PLAGL1: variants seen among roughly 807,000 people sequenced by gnomAD.
The protein encoded by PLAGL1 is PLAG1 like zinc finger 1, also known as zinc finger protein PLAGL1.
PLAGL1 carries 1 observed loss-of-function variant against 4.6 expected under a neutral mutation model. The observed-to-expected ratio is 0.22, with a 90% CI of 0.08 to 1.03. PLAGL1 has a LOEUF of 1.03. Ranked by LOEUF, PLAGL1 falls within the 50% of genes least tolerant of loss-of-function variation. The pLI, the probability that PLAGL1 is intolerant of heterozygous loss-of-function variation, is 0.58. For synonymous variants in PLAGL1, 240 were observed against 237.8 expected (o/e 1.01, Z -0.08); for missense variants, 464 against 570.4 (o/e 0.81, Z 1.90).
chr6:144,032,619 T>G (rs1411864465), intron 1 of PLAGL1, among the ~76,000 whole-genome samples: 1 of 152,176 alleles, frequency 6.6e-6, no homozygotes, highest in East Asian at 1.9e-4. Flanking sequence ...TGGAGTCAAA[T>G]GGCACAGTCT....
chr6:144,031,202 T>C (rs1459885151), intron 1 of PLAGL1, among the ~76,000 whole-genome samples: 3 of 152,216 alleles, frequency 2.0e-5, no homozygotes, highest in Non-Finnish European at 4.4e-5. Context: ...GAATTGTTTG[T>C]TTTATTCTTG....
In PLAGL1 at chr6:144,042,666, T is replaced by C. The variant is rs181248830; in HGVS notation, c.-151+21802A>G. The stretch of plus-strand genomic sequence containing the variant: ...TGTCTTGGCAATGCAAGCTCTTTTT[T>C]GGTTCCATATGAACTTTAAAGTGGT... On this transcript the variant is annotated intron_variant, in intron 1 of 3. Transcript: ENST00000437412. Among the ~76,000 whole-genome samples, 5 of 152,372 alleles carry C rather than the reference T, an allele frequency of 3.3e-5. No individual in the cohort carries two copies. In the East Asian group the frequency reaches 5.8e-4, roughly 18 times the overall value.
chr6:143,989,652 G>A lies in PLAGL1; in HGVS notation c.-583-4478C>T, dbSNP rs756635295. On this transcript the variant is annotated intron_variant, in intron 1 of 7. Coordinates refer to ENST00000674357, the MANE Select transcript of PLAGL1 (RefSeq NM_001317162.2). The surrounding 1 kb of genome is among the most constrained non-coding windows in gnomAD (Gnocchi z 4.8). ...AGACAGTTGACTGTGGGATTTCTCA[G>A]CCTTCATAATCATCAGGGTCAATTC... Among the ~76,000 whole-genome samples the A allele has an allele frequency of 1.1e-4, 17 of 152,168 alleles. No individual in the cohort carries two copies. Among genetic ancestry groups the A allele is most frequent in the Non-Finnish European group, 2.5e-4 (17 of 68,034 alleles).
chr6:144,033,044 C>T (rs1220654530), intron 1 of PLAGL1, among the ~76,000 whole-genome samples: 2 of 152,136 alleles, frequency 1.3e-5, no homozygotes, highest in African/African-American at 4.8e-5. Context: ...TAGCTGAACT[C>T]AGTAGTAGAG....
Position 143,970,760 on chromosome 6 carries a change from T to G in PLAGL1, c.-543-1782A>C, listed in dbSNP as rs571215840. Among the ~76,000 whole-genome samples, 1 of 152,214 alleles carries G rather than the reference T, an allele frequency of 6.6e-6. No individual in the cohort carries two copies. The highest frequency in any genetic ancestry group is 1.5e-5 in the Non-Finnish European group (1 of 68,042). On this transcript the variant is annotated intron_variant, in intron 2 of 7. Transcript: ENST00000674357. This position sits in a 1 kb window ranked among gnomAD's most constrained non-coding sequence, Gnocchi z 5.8. ...CTCTTAAGTTACTTGAAATTCTTCT[T>G]CTTGGATATTACAGCAGTCTTCAGT...
chr6:143,957,149 A>T lies in PLAGL1; in HGVS notation c.-325+3320T>A, dbSNP rs140672708. Among the ~76,000 whole-genome samples the T allele has an allele frequency of 2.0e-5, 3 of 152,264 alleles. No homozygotes were observed. The highest frequency in any genetic ancestry group is 4.4e-5 in the Non-Finnish European group (3 of 68,052). On this transcript the variant is annotated intron_variant, in intron 6 of 7. Transcript: ENST00000674357. The surrounding 1 kb of genome is among the most constrained non-coding windows in gnomAD (Gnocchi z 4.2). ...ATGCATTGTATTTTTAAATAGAAAC[A>T]GTCACAAAAAAATAGACAAATGTCT...
At position 143,948,945 on chromosome 6, in the gene PLAGL1, TAAGA is replaced by T. The variant is rs1265202994; in HGVS notation, c.-324-489_-324-486del. Among the ~76,000 whole-genome samples the T allele has an allele frequency of 7.2e-5, 11 of 152,176 alleles. No individual in the cohort carries two copies. Among genetic ancestry groups the T allele is most frequent in the Admixed American group, 7.2e-4 (11 of 15,276 alleles). On this transcript the variant is annotated intron_variant, in intron 6 of 7. Coordinates refer to ENST00000674357, the MANE Select transcript of PLAGL1 (RefSeq NM_001317162.2). This position sits in a 1 kb window ranked among gnomAD's most constrained non-coding sequence, Gnocchi z 6.0. ...CACACCTGTTTAAACTTCCAGAGGA[TAAGA>T]AATAATTTGTATACACCTAAGTCAA...
At position 144,016,313 on chromosome 6, in the gene PLAGL1, A is replaced by C. The variant is rs1795562771; in HGVS notation, c.-150-47335T>G. On this transcript the variant is annotated intron_variant, in intron 1 of 3. Coordinates refer to the PLAGL1 transcript ENST00000437412. This position sits in a 1 kb window ranked among gnomAD's most constrained non-coding sequence, Gnocchi z 4.2. ...AAGATGTAGGCTGGGAGGCTAGGCC[A>C]GTCTCTCCTTTTCACATTTTTCTGC... 6.6e-6 allele frequency among the ~76,000 whole-genome samples: 1 copy of C among 152,176 alleles called. No homozygotes were observed. The highest frequency in any genetic ancestry group is 2.4e-5 in the African/African-American group (1 of 41,438).
intron 1 of PLAGL1, among the ~76,000 whole-genome samples, chr6:144,042,465 T>C (rs1199696397): frequency 6.6e-6 from 1 of 152,226 alleles, no homozygotes; most frequent in Admixed American, 6.5e-5. Context: ...GTCAGGTTTG[T>C]CAAAGACCAG....
At chr6:144,019,345 G>T (rs577373521) in intron 1 of PLAGL1, among the ~76,000 whole-genome samples, 6 of 152,006 alleles carry the variant, frequency 3.9e-5, no homozygotes, top group African/African-American at 1.2e-4. Flanking sequence ...GGTGGTGGGC[G>T]CCTGTAATCC....
chr6:144,020,779 A>C (rs895692440), intron 1 of PLAGL1, among the ~76,000 whole-genome samples: 1 of 146,702 alleles, frequency 6.8e-6, no homozygotes, highest in African/African-American at 2.5e-5. Flanking sequence ...TTATATATCT[A>C]TATATATAAA....
intron 1 of PLAGL1, among the ~76,000 whole-genome samples, chr6:144,019,112 A>T (rs967693132): frequency 6.6e-6 from 1 of 152,226 alleles, no homozygotes; most frequent in Non-Finnish European, 1.5e-5. Context: ...GAGATTCCAG[A>T]TTAAATGAGA....
chr6:144,025,744 T>A (rs1218817786), intron 1 of PLAGL1, among the ~76,000 whole-genome samples: 1 of 150,718 alleles, frequency 6.6e-6, no homozygotes, highest in East Asian at 2.0e-4. Context: ...ACAAAAAAAA[T>A]TAGCTGGGTG....
Position 143,948,258 on chromosome 6 carries a change from C to G in PLAGL1, c.-122G>C. 3 of 828,296 alleles carry G rather than the reference C, an allele frequency of 3.6e-6. No homozygotes were observed. Among genetic ancestry groups the G allele is most frequent in the Non-Finnish European group, 5.8e-6 (3 of 513,452 alleles). 51.3% of individuals were successfully genotyped at this position (828,296 alleles called of 1,614,324 possible). ...GTCCCTGCAGCTGAACTCCAGACCA[C>G]GGGAGAGGCAGCATCGTGGGCCTGG... On this transcript the variant is annotated 5_prime_UTR_variant, in exon 7 of 8. Coordinates refer to ENST00000674357, the MANE Select transcript of PLAGL1 (RefSeq NM_001317162.2). This position sits in a 1 kb window ranked among gnomAD's most constrained non-coding sequence, Gnocchi z 6.0.
chr6:144,064,495 A>C lies in PLAGL1; in HGVS notation c.-178T>G, dbSNP rs935935798. ...GCCGCCAAGTTTCCCCCGCTTGGAA[A>C]GTTCTGGAGTCCGGAGCCCGTGGCC... On this transcript the variant is annotated 5_prime_UTR_variant, in exon 1 of 4. Transcript: ENST00000437412. The surrounding 1 kb of genome is among the most constrained non-coding windows in gnomAD (Gnocchi z 6.8). 9 of 152,162 alleles carry C rather than the reference A, an allele frequency of 5.9e-5. No individual in the cohort carries two copies. The highest frequency in any genetic ancestry group is 5.9e-4 in the Admixed American group (9 of 15,276). 9.4% of individuals were successfully genotyped at this position (152,162 alleles called of 1,614,324 possible). A position where few individuals can be genotyped will look rare whatever the true frequency, so the allele number is the denominator to read the frequency against.
chr6:143,977,677 T>C (rs1267238018), intron 2 of PLAGL1, among the ~76,000 whole-genome samples: 1 of 151,980 alleles, frequency 6.6e-6, no homozygotes, highest in African/African-American at 2.4e-5. Context: ...TTTTTGTATT[T>C]TTAGTAGAGA....
rs75703873 is a variant in PLAGL1 at position 144,028,931 on chromosome 6, A to AT, written c.-151+35536dup. On this transcript the variant is annotated intron_variant, in intron 1 of 3. Transcript: ENST00000437412. ...AATTACAGTAATTAATCTGCCTTCC[A>AT]TTTTTTCTCATTTTTTATGTAATTG... Among the ~76,000 whole-genome samples the AT allele has an allele frequency of 8.7e-3, 1,322 of 152,102 alleles. 76 individuals are homozygous for AT. The East Asian group carries it at 0.15, about 17-fold the overall frequency.
intron 1 of PLAGL1, among the ~76,000 whole-genome samples, chr6:143,986,511 T>G (rs1464173849): frequency 6.6e-6 from 1 of 152,018 alleles, no homozygotes; most frequent in Non-Finnish European, 1.5e-5. Flanking sequence ...AAAGACATAT[T>G]CAATTGAGCA....
chr6:143,969,251 A>G (rs1457641441), intron 2 of PLAGL1, among the ~76,000 whole-genome samples: 2 of 152,054 alleles, frequency 1.3e-5, no homozygotes, highest in African/African-American at 4.8e-5. Flanking sequence ...TTAGATTCCA[A>G]TCTTGGTGCC....
Sources: allele counts gnomAD v4.1 joint callset (sites outside exome capture counted in the v4.1 genomes callset), GRCh38; gene constraint gnomAD v4.1.1; non-coding constraint Gnocchi (gnomAD v3.1); transcripts MANE v1.5; gene names NCBI Gene and HGNC (gene_info 2026-07-23, HGNC 2026-07-21).